The following SERPINC1 variants were observed in gnomAD, a reference collection of about 807,000 sequenced individuals.
The protein encoded by SERPINC1 is antithrombin-III.
A neutral mutation model predicts 43.4 loss-of-function variants in SERPINC1; 12 were observed. The ratio of observed to expected loss-of-function variants is 0.28; its 90% CI spans 0.18 to 0.45. The LOEUF is 0.45. SERPINC1 is among the 20% of genes least tolerant of loss of function. SERPINC1 has a pLI of 1.00. For missense variants in SERPINC1, 423 were observed against 578.8 expected (o/e 0.73, Z 2.76); for synonymous variants, 210 against 218.9 (o/e 0.96, Z 0.36).
chr1:173,910,624 C>T (rs1657729149), intron 4 of SERPINC1, 130 bp downstream of exon 4: 1 of 766,812 alleles, frequency 1.3e-6, no homozygotes, highest in Non-Finnish European at 2.3e-6. Flanking sequence ...GCCCTGCTGA[C>T]CTGTACCTGT....
intron 2 of SERPINC1, among the ~76,000 whole-genome samples, chr1:173,912,723 G>T (rs1657821129): frequency 1.3e-5 from 2 of 152,098 alleles, no homozygotes; most frequent in Non-Finnish European, 2.9e-5. Context: ...TCAAAAGCTT[G>T]GTGCTGAATC....
chr1:173,910,999 A>T (rs1657750831), intron 3 of SERPINC1, 108 bp from the exon 4 acceptor site: 1 of 1,320,994 alleles, frequency 7.6e-7, no homozygotes, highest in South Asian at 1.2e-5. Flanking sequence ...CTTTCCCACC[A>T]TTTGATTAAG....
intron 5 of SERPINC1, among the ~76,000 whole-genome samples, chr1:173,908,786 A>G (rs1324303058): frequency 1.3e-5 from 2 of 151,976 alleles, no homozygotes; most frequent in Non-Finnish European, 2.9e-5. Flanking sequence ...TCTCGAACTC[A>G]TGGGCTTAGA....
At chr1:173,906,478 GTAGTCTAGTGCTC>G (rs1353691465) in intron 6 of SERPINC1, among the ~76,000 whole-genome samples, 2 of 152,178 alleles carry the variant, frequency 1.3e-5, no homozygotes, top group African/African-American at 4.8e-5. Context: ...TTCCTCCAGT[GTAGTCTAGTGCTC>G]TAGTTGGAGC....
intron 5 of SERPINC1, among the ~76,000 whole-genome samples, chr1:173,908,010 AT>A (rs1657599829): frequency 8.4e-6 from 1 of 118,996 alleles, no homozygotes; most frequent in African/African-American, 3.0e-5. Flanking sequence ...AATAATAATA[AT>A]AATAATAATA....
At chr1:173,916,729 T>C (rs913215152) in intron 1 of SERPINC1, among the ~76,000 whole-genome samples, 1 of 152,096 alleles carries the variant, frequency 6.6e-6, no homozygotes, top group African/African-American at 2.4e-5. Flanking sequence ...GTGTGTGGCA[T>C]TGAGGGAGGG....
chr1:173,913,109 C>T (rs1431186108), intron 2 of SERPINC1, among the ~76,000 whole-genome samples: 1 of 152,142 alleles, frequency 6.6e-6, no homozygotes, highest in South Asian at 2.1e-4. Context: ...CTCCTAAGAC[C>T]CACAGACTTT....
chr1:173,915,695 A>C (rs1657960959), intron 1 of SERPINC1, among the ~76,000 whole-genome samples: 1 of 152,184 alleles, frequency 6.6e-6, no homozygotes, highest in African/African-American at 2.4e-5. Context: ...AACAACAAAC[A>C]AACAAACAAA....
chr1:173,914,181 C>T (rs1194688512), intron 2 of SERPINC1, among the ~76,000 whole-genome samples: 1 of 152,052 alleles, frequency 6.6e-6, no homozygotes, highest in African/African-American at 2.4e-5. Context: ...GAGGGACTGG[C>T]ACTACACATT....
rs1199990064 is a variant in SERPINC1, at chr1:173,914,816, T to C, written c.145A>G (p.Met49Val). Residue 49 changes from methionine to valine, a missense_variant, in exon 2 of 7, where the codon ATG becomes GTG. Transcript: ENST00000367698. ...ICTAKPRDIP[M>V]NPMCIYRSPE... ...GAGCGGTAAATGCACATGGGATTCA[T>C]GGGAATGTCCCGCGGCTTGGCTGTG... 6.2e-7 allele frequency: 1 copy of C among 1,614,182 alleles called. No homozygotes were observed. Among genetic ancestry groups the C allele is most frequent in the Admixed American group, 1.7e-5 (1 of 60,026 alleles).
Position 173,914,772 on chromosome 1 carries a change from A to G in SERPINC1, c.189T>C (p.Thr63=), listed in dbSNP as rs1572092053. ...TCTTCTGTTCTGAGCCCTCATCCTC[A>G]GTTGCCTTCTTCTCCGGGGAGCGGT... is the stretch of plus-strand genomic sequence containing the variant. ...CIYRSPEKKA[T]EDEGSEQKIP... is the part of the protein sequence containing the mutation. Residue 63 remains threonine (T), a synonymous_variant, in exon 2 of 7, where the codon ACT becomes ACC. Coordinates refer to ENST00000367698, the MANE Select transcript of SERPINC1 (RefSeq NM_000488.4). 1.2e-6 allele frequency: 2 copies of G among 1,614,148 alleles called. No homozygotes were observed. Among genetic ancestry groups the G allele is most frequent in the Admixed American group, 1.7e-5 (1 of 60,024 alleles).
chr1:173,907,595 A>G, intron 5 of SERPINC1, 81 bp from the exon 6 acceptor site: 1 of 979,162 alleles, frequency 1.0e-6, no homozygotes, highest in Admixed American at 1.7e-5. Flanking sequence ...GTTTGGATTA[A>G]GAGATCCTTT....
At chr1:173,911,128 TAAATG>T (rs1387929590) in intron 3 of SERPINC1, among the ~76,000 whole-genome samples, 2 of 151,942 alleles carry the variant, frequency 1.3e-5, no homozygotes, top group East Asian at 3.9e-4. Context: ...TAGGAAGAAA[TAAATG>T]AAAAGAAGGA....
At chr1:173,907,816 C>T (rs367690149) in intron 5 of SERPINC1, among the ~76,000 whole-genome samples, 1 of 151,616 alleles carries the variant, frequency 6.6e-6, no homozygotes, top group South Asian at 2.1e-4. Flanking sequence ...TTGTCTCTAT[C>T]GTGAAAATAC....
In SERPINC1 at chr1:173,910,907, A is replaced by G; in HGVS notation, c.625-16T>C. ...CTGCATTTTCCTGAGGAGAACAGAA[A>G]ATAAACCTACTCACCTGTGCTATTC... On this transcript the variant is annotated splice_polypyrimidine_tract_variant and intron_variant, in intron 3 of 6. Coordinates refer to ENST00000367698, the MANE Select transcript of SERPINC1 (RefSeq NM_000488.4). 6.2e-7 allele frequency: 1 copy of G among 1,614,096 alleles called. No individual in the cohort carries two copies. Among genetic ancestry groups the G allele is most frequent in the African/African-American group, 1.3e-5 (1 of 75,052 alleles).
chr1:173,917,073 A>G, intron 1 of SERPINC1, 146 bp downstream of exon 1: 1 of 744,786 alleles, frequency 1.3e-6, no homozygotes, highest in Non-Finnish European at 2.4e-6. Context: ...GAGCACTTGA[A>G]ATGACGTCTT....
At chr1:173,916,587 C>CA (rs2227591) in intron 1 of SERPINC1, among the ~76,000 whole-genome samples, 8,820 of 152,262 alleles carry the variant, frequency 0.058, 816 homozygotes, top group African/African-American at 0.2. Flanking sequence ...CTCTGTCCTT[C>CA]AACTACATTT....
At chr1:173,911,386 A>G (rs1657764322) in intron 3 of SERPINC1, among the ~76,000 whole-genome samples, 1 of 152,220 alleles carries the variant, frequency 6.6e-6, no homozygotes, top group Admixed American at 6.5e-5. Flanking sequence ...TTTGTTGCAG[A>G]GTTTCTCAGA....
Position 173,907,508 on chromosome 1 carries a change from A to G in SERPINC1, c.1160T>C (p.Val387Ala). Residue 387 changes from valine to alanine, a missense_variant, in exon 6 of 7, where the codon GTT becomes GCT. Transcript: ENST00000367698. The part of the protein sequence containing the change: ...SPEKSKLPGI[V>A]AEGRDDLYVS... The stretch of plus-strand genomic sequence containing the variant: ...ATAGAGGTCATCTCGGCCTTCTGCA[A>G]CAATACCTGGAAGGAAGACCGGAGA... The G allele has an allele frequency of 6.2e-7, 1 of 1,613,886 alleles. No individual in the cohort carries two copies. Among genetic ancestry groups the G allele is most frequent in the East Asian group, 2.2e-5 (1 of 44,882 alleles).
Sources: allele counts gnomAD v4.1 joint callset (sites outside exome capture counted in the v4.1 genomes callset), GRCh38; gene constraint gnomAD v4.1.1; transcripts MANE v1.5; gene names NCBI Gene and HGNC (gene_info 2026-07-23, HGNC 2026-07-21).